KCNIP4: variants seen among roughly 807,000 people sequenced by gnomAD.
KCNIP4 encodes the protein Kv channel-interacting protein 4.
A neutral mutation model predicts 34.0 loss-of-function variants in KCNIP4; 12 were observed. The ratio of observed to expected loss-of-function variants is 0.35; its 90% CI spans 0.23 to 0.57. The LOEUF is 0.57. KCNIP4 is among the 20% of genes least tolerant of loss of function. KCNIP4 has a pLI of 0.83. For synonymous variants in KCNIP4, 124 were observed against 102.2 expected (o/e 1.21, Z -1.29); for missense variants, 238 against 311.7 (o/e 0.76, Z 1.78).
intron 1 of KCNIP4, among the ~76,000 whole-genome samples, chr4:21,138,806 G>T (rs548202409): frequency 2.0e-5 from 3 of 152,136 alleles, no homozygotes; most frequent in Admixed American, 6.6e-5. Flanking sequence ...AGACTCGGCC[G>T]CCATGGCTGG....
chr4:21,215,364 C>A (rs1289933941), intron 1 of KCNIP4, among the ~76,000 whole-genome samples: 1 of 151,238 alleles, frequency 6.6e-6, no homozygotes, highest in East Asian at 2.0e-4. Context: ...GCCAATGTTA[C>A]AATCTACACT....
At chr4:21,364,365 T>C (rs71607070) in intron 1 of KCNIP4, among the ~76,000 whole-genome samples, 4,251 of 152,224 alleles carry the variant, frequency 0.028, 202 homozygotes, top group East Asian at 0.2. Context: ...AAGAGGAATA[T>C]ATTAGAAATT....
intron 1 of KCNIP4, among the ~76,000 whole-genome samples, chr4:21,477,672 G>A (rs1731099101): frequency 6.6e-6 from 1 of 152,128 alleles, no homozygotes; most frequent in Non-Finnish European, 1.5e-5. Flanking sequence ...AAATCATTAT[G>A]CTAGTTCTCA....
intron 1 of KCNIP4, among the ~76,000 whole-genome samples, chr4:21,701,944 T>A (rs1056416085): frequency 6.6e-6 from 1 of 152,074 alleles, no homozygotes; most frequent in African/African-American, 2.4e-5. Context: ...CCTCAGATGA[T>A]CTGCTTGCGT....
chr4:21,653,741 G>C (rs1422034667), intron 1 of KCNIP4, among the ~76,000 whole-genome samples: 1 of 152,142 alleles, frequency 6.6e-6, no homozygotes, highest in Non-Finnish European at 1.5e-5. Flanking sequence ...AAAGATCGTA[G>C]GAAGTATTAT....
chr4:21,727,455 T>A (rs1715277643), intron 1 of KCNIP4, among the ~76,000 whole-genome samples: 1 of 152,044 alleles, frequency 6.6e-6, no homozygotes, highest in Non-Finnish European at 1.5e-5. Context: ...CCATAAGGAG[T>A]AAATTATATA....
chr4:21,472,868 T>C (rs1730587287), intron 1 of KCNIP4, among the ~76,000 whole-genome samples: 1 of 152,094 alleles, frequency 6.6e-6, no homozygotes, highest in Non-Finnish European at 1.5e-5. Flanking sequence ...AAGATGAGAG[T>C]TAATATTTAT....
At chr4:20,805,581 A>G (rs1714976364) in intron 3 of KCNIP4, among the ~76,000 whole-genome samples, 1 of 152,172 alleles carries the variant, frequency 6.6e-6, no homozygotes, top group African/African-American at 2.4e-5. Flanking sequence ...TACATTCAGC[A>G]TAGAGAAGAG....
chr4:21,766,151 G>A (rs993347899), intron 1 of KCNIP4, among the ~76,000 whole-genome samples: 1 of 152,142 alleles, frequency 6.6e-6, no homozygotes, highest in African/African-American at 2.4e-5. Context: ...CCTGCTAACG[G>A]AGCAGGTGGT....
chr4:21,313,608 C>T (rs1421134271), intron 1 of KCNIP4, among the ~76,000 whole-genome samples: 2 of 151,986 alleles, frequency 1.3e-5, no homozygotes, highest in Non-Finnish European at 2.9e-5. Flanking sequence ...CACAGGACAC[C>T]GTTAGTAGAA....
At chr4:20,882,867 A>AG (rs1211384783) in intron 1 of KCNIP4, among the ~76,000 whole-genome samples, 158 bp from the exon 2 acceptor site, 1 of 151,582 alleles carries the variant, frequency 6.6e-6, no homozygotes, top group African/African-American at 2.4e-5. Flanking sequence ...AGGAAAAAAA[A>AG]AGTTTGTTTT....
chr4:21,405,511 G>T (rs1314263943), intron 1 of KCNIP4, among the ~76,000 whole-genome samples: 3 of 152,200 alleles, frequency 2.0e-5, no homozygotes, highest in Non-Finnish European at 4.4e-5. Context: ...TGCTTAAGGT[G>T]ATAAGGATGA....
intron 1 of KCNIP4, among the ~76,000 whole-genome samples, chr4:21,022,685 T>G (rs924756172): frequency 2.0e-5 from 3 of 152,234 alleles, no homozygotes; most frequent in Non-Finnish European, 2.9e-5. Context: ...AAAGTATTCA[T>G]CTAATCCTTA....
At chr4:20,959,573 C>G (rs187858840) in intron 1 of KCNIP4, among the ~76,000 whole-genome samples, 1 of 152,302 alleles carries the variant, frequency 6.6e-6, no homozygotes, top group African/African-American at 2.4e-5. Flanking sequence ...AACTGTTAAT[C>G]ATCCCTAAAA....
At chr4:21,596,279 C>T (rs1240068059) in intron 1 of KCNIP4, among the ~76,000 whole-genome samples, 7 of 152,092 alleles carry the variant, frequency 4.6e-5, no homozygotes, top group African/African-American at 7.2e-5. Flanking sequence ...TTCTAATGGG[C>T]AAATATTTCA....
intron 2 of KCNIP4, among the ~76,000 whole-genome samples, chr4:20,878,043 A>T (rs1724257224): frequency 1.3e-5 from 2 of 151,968 alleles, no homozygotes; most frequent in Admixed American, 1.3e-4. Context: ...GAGCTCCCTC[A>T]ATCAATATCA....
At chr4:21,038,837 GAA>G (rs1203517426) in intron 1 of KCNIP4, among the ~76,000 whole-genome samples, 1 of 152,166 alleles carries the variant, frequency 6.6e-6, no homozygotes, top group Middle Eastern at 3.2e-3. Context: ...TCCAGTAAGT[GAA>G]AGAGTTGAGA....
intron 1 of KCNIP4, among the ~76,000 whole-genome samples, chr4:21,096,039 A>G (rs1006802068): frequency 4.6e-5 from 7 of 152,226 alleles, no homozygotes; most frequent in Admixed American, 3.9e-4. Context: ...GTATTTTACT[A>G]AAATAAAACT....
intron 1 of KCNIP4, among the ~76,000 whole-genome samples, chr4:21,771,861 T>A (rs1389634246): frequency 6.6e-6 from 1 of 152,110 alleles, no homozygotes; most frequent in Non-Finnish European, 1.5e-5. Context: ...TATAAAATCA[T>A]GTCTGCAAAC....
Sources: allele counts gnomAD v4.1 joint callset (sites outside exome capture counted in the v4.1 genomes callset), GRCh38; gene constraint gnomAD v4.1.1; transcripts MANE v1.5; gene names NCBI Gene and HGNC (gene_info 2026-07-23, HGNC 2026-07-21).